Variants in RAB3C observed in about 807,000 individuals in gnomAD.
RAB3C encodes the protein RAB3C, member RAS oncogene family.
In RAB3C, 17 loss-of-function variants were observed where a neutral mutation model predicts 26.4. The observed-to-expected ratio is 0.64, with a 90% CI of 0.44 to 0.97. The LOEUF is 0.97. Among genes scored for constraint, RAB3C ranks in the 50% least tolerant of loss-of-function variants. The pLI is 0.00. For synonymous variants in RAB3C, 91 were observed against 95.9 expected (o/e 0.95, Z 0.30); for missense variants, 242 against 281.9 (o/e 0.86, Z 1.01).
chr5:58,616,867 G>A (rs547387642), intron 1 of RAB3C, among the ~76,000 whole-genome samples: 3 of 152,192 alleles, frequency 2.0e-5, no homozygotes, highest in Non-Finnish European at 2.9e-5. Flanking sequence ...CTCCCTAGTC[G>A]TCATTTGGAA....
At chr5:58,836,854 G>T (rs1321770552) in intron 4 of RAB3C, among the ~76,000 whole-genome samples, 1 of 152,170 alleles carries the variant, frequency 6.6e-6, no homozygotes, top group African/African-American at 2.4e-5. Flanking sequence ...GGGTGCAGAT[G>T]TCTCTTTGAT....
At chr5:58,833,130 A>C (rs1743654001) in intron 4 of RAB3C, among the ~76,000 whole-genome samples, 1 of 152,064 alleles carries the variant, frequency 6.6e-6, no homozygotes, top group Non-Finnish European at 1.5e-5. Context: ...TGAAACTAAG[A>C]ATTATAAAAC....
intron 2 of RAB3C, among the ~76,000 whole-genome samples, chr5:58,646,779 G>A (rs971495582): frequency 2.0e-5 from 3 of 152,086 alleles, no homozygotes; most frequent in African/African-American, 7.2e-5. Context: ...CTCTAGGGTG[G>A]GTTTTAGTGC....
chr5:58,618,259 T>A (rs1443537716), intron 2 of RAB3C, among the ~76,000 whole-genome samples: 1 of 152,046 alleles, frequency 6.6e-6, no homozygotes, highest in African/African-American at 2.4e-5. Context: ...TGGTTCTGGG[T>A]TTTTAGGTCA....
chr5:58,840,190 T>C (rs746129539), intron 4 of RAB3C, among the ~76,000 whole-genome samples: 4 of 151,906 alleles, frequency 2.6e-5, no homozygotes, highest in African/African-American at 9.7e-5. Flanking sequence ...TTTCTGCTTA[T>C]ATTATTTCAA....
At chr5:58,670,898 G>A (rs961922359) in intron 2 of RAB3C, among the ~76,000 whole-genome samples, 23 of 152,126 alleles carry the variant, frequency 1.5e-4, no homozygotes, top group African/African-American at 5.6e-4. Flanking sequence ...TATCTAGTCA[G>A]TATGCAATGA....
rs16888364 is a variant in RAB3C, at chr5:58,655,329, T to A, written c.252+37459T>A. 6.8e-3 allele frequency among the ~76,000 whole-genome samples: 1,035 copies of A among 152,230 alleles called. 19 individuals are homozygous for A. Among genetic ancestry groups the A allele is most frequent in the African/African-American group, 0.023 (967 of 41,526 alleles). On this transcript the variant is annotated intron_variant, in intron 2 of 4. Coordinates refer to ENST00000282878, the MANE Select transcript of RAB3C (RefSeq NM_138453.4). ...TTTTGCAGTGACCAATGAAATACAT[T>A]AAAAACAAAGATGGGACAAGTGTGG...
Position 58,715,282 on chromosome 5 carries a change from A to AT in RAB3C, c.253-10710dup, listed in dbSNP as rs561775687. Among the ~76,000 whole-genome samples, 466 of 148,318 alleles carry AT rather than the reference A, an allele frequency of 3.1e-3. 1 individual carries two copies. Among genetic ancestry groups the AT allele is most frequent in the Non-Finnish European group, 5.4e-3 (363 of 66,768 alleles). On this transcript the variant is annotated intron_variant, in intron 2 of 4. Transcript: ENST00000282878. ...TAGCCTTTTCTCCAGGACTAAAAGT[A>AT]TTTTTTTTTTCCTAGAGGGTAGACA...
At chr5:58,822,761 A>C in intron 3 of RAB3C, 1 of 542,200 alleles carries the variant, frequency 1.8e-6, no homozygotes, top group South Asian at 1.6e-5. Flanking sequence ...TGAACTACCA[A>C]AATAAGGTGT....
At chr5:58,615,658 G>A (rs1746807794) in intron 1 of RAB3C, among the ~76,000 whole-genome samples, 1 of 152,124 alleles carries the variant, frequency 6.6e-6, no homozygotes, top group Non-Finnish European at 1.5e-5. Context: ...GATGCTATCT[G>A]CCTGTTTTAG....
At chr5:58,839,130 A>AT (rs1171257162) in intron 4 of RAB3C, among the ~76,000 whole-genome samples, 1 of 151,570 alleles carries the variant, frequency 6.6e-6, no homozygotes, top group Non-Finnish European at 1.5e-5. Flanking sequence ...GTAGCATATA[A>AT]TTGGGCCTTG....
intron 3 of RAB3C, among the ~76,000 whole-genome samples, chr5:58,726,958 G>A (rs1328623835): frequency 6.6e-6 from 1 of 151,952 alleles, no homozygotes; most frequent in Non-Finnish European, 1.5e-5. Context: ...AATCTAGGTA[G>A]GGCTTTGTGT....
At chr5:58,692,322 G>T (rs535173805) in intron 2 of RAB3C, among the ~76,000 whole-genome samples, 2 of 149,294 alleles carry the variant, frequency 1.3e-5, no homozygotes, top group Admixed American at 1.4e-4. Flanking sequence ...AGTCAGAAAT[G>T]CAAATACATA....
At chr5:58,728,902 C>CT (rs1441128992) in intron 3 of RAB3C, among the ~76,000 whole-genome samples, 2 of 152,062 alleles carry the variant, frequency 1.3e-5, no homozygotes, top group Non-Finnish European at 2.9e-5. Flanking sequence ...ATTTTCTCAG[C>CT]TTACCTGAAC....
chr5:58,732,146 A>G (rs559571651), intron 3 of RAB3C, among the ~76,000 whole-genome samples: 1 of 150,210 alleles, frequency 6.7e-6, no homozygotes, highest in East Asian at 2.0e-4. Flanking sequence ...ACATGTGCAC[A>G]TTGTACAGGT....
At chr5:58,614,664 AG>A (rs1462058654) in intron 1 of RAB3C, among the ~76,000 whole-genome samples, 10 of 151,858 alleles carry the variant, frequency 6.6e-5, no homozygotes, top group Non-Finnish European at 4.4e-5. Flanking sequence ...AAGGTATATT[AG>A]CCCTTGAAAT....
At chr5:58,698,819 A>T (rs886156661) in intron 2 of RAB3C, among the ~76,000 whole-genome samples, 1 of 152,076 alleles carries the variant, frequency 6.6e-6, no homozygotes, top group Non-Finnish European at 1.5e-5. Flanking sequence ...CTAGTTAGCC[A>T]TTCGCCTAAT....
intron 3 of RAB3C, among the ~76,000 whole-genome samples, chr5:58,752,737 G>T (rs1252938859): frequency 6.6e-6 from 1 of 152,040 alleles, no homozygotes; most frequent in African/African-American, 2.4e-5. Flanking sequence ...CCTTTACTTT[G>T]CTCAATTTTA....
intron 4 of RAB3C, among the ~76,000 whole-genome samples, chr5:58,848,085 G>C (rs955347269): frequency 2.6e-5 from 4 of 152,104 alleles, no homozygotes; most frequent in Non-Finnish European, 5.9e-5. Context: ...TCGAACTCCT[G>C]ACCTCGGTGA....
Sources: gnomAD v4.1 joint callset for allele counts (sites outside exome capture counted in the v4.1 genomes callset) on GRCh38, gnomAD v4.1.1 for gene constraint, MANE v1.5 for transcripts, NCBI Gene and HGNC (gene_info 2026-07-23, HGNC 2026-07-21) for gene names.